AGBL4: variants seen among roughly 807,000 people sequenced by gnomAD.
The protein encoded by AGBL4 is AGBL carboxypeptidase 4.
In AGBL4, 58 loss-of-function variants were observed where a neutral mutation model predicts 66.4. The ratio of observed to expected loss-of-function variants is 0.87; its 90% CI spans 0.71 to 1.09. The LOEUF (loss-of-function observed/expected upper bound fraction) is 1.09, where lower values mean the gene tolerates loss of function less well. Ranked by LOEUF, AGBL4 falls within the 50% of genes least tolerant of loss-of-function variation. AGBL4 has a pLI of 0.00. For synonymous variants in AGBL4, 234 were observed against 222.9 expected (o/e 1.05, Z -0.44); for missense variants, 579 against 631.0 (o/e 0.92, Z 0.88).
chr1:49,029,081 T>C (rs1157584539), intron 5 of AGBL4, among the ~76,000 whole-genome samples: 7 of 152,096 alleles, frequency 4.6e-5, no homozygotes. Flanking sequence ...AAAGGGCATC[T>C]ATAAAAAGCT....
At chr1:48,804,332 G>A (rs1234996534) in intron 6 of AGBL4, among the ~76,000 whole-genome samples, 1 of 152,202 alleles carries the variant, frequency 6.6e-6, no homozygotes, top group Non-Finnish European at 1.5e-5. Flanking sequence ...CCTAGCTTCA[G>A]AGAAAATGCC....
At chr1:48,897,804 C>A (rs528232240) in intron 5 of AGBL4, among the ~76,000 whole-genome samples, 1 of 124,980 alleles carries the variant, frequency 8.0e-6, no homozygotes, top group South Asian at 2.8e-4. Context: ...ATCTTTTGCC[C>A]ACTTTTTTTT....
intron 1 of AGBL4, among the ~76,000 whole-genome samples, chr1:49,886,967 A>T (rs1038183096): frequency 3.3e-5 from 5 of 151,938 alleles, no homozygotes; most frequent in African/African-American, 1.2e-4. Context: ...TATCAAAGGA[A>T]TTTGGTGGTC....
chr1:49,948,176 AT>A (rs1655588947), intron 1 of AGBL4, among the ~76,000 whole-genome samples: 1 of 99,992 alleles, frequency 1.0e-5, no homozygotes, highest in Non-Finnish European at 1.8e-5. Flanking sequence ...ATAAATATAT[AT>A]AACTATATAT....
intron 1 of AGBL4, among the ~76,000 whole-genome samples, chr1:49,937,257 T>A (rs1055041439): frequency 6.6e-6 from 1 of 152,014 alleles, no homozygotes; most frequent in African/African-American, 2.4e-5. Context: ...CATTACATAA[T>A]GGTAAAGGGA....
intron 3 of AGBL4, among the ~76,000 whole-genome samples, chr1:49,685,035 G>GC: frequency 6.6e-6 from 1 of 152,222 alleles, no homozygotes; most frequent in Non-Finnish European, 1.5e-5. Context: ...TCAATGGGTA[G>GC]TTTTTTGAAC....
At chr1:49,573,850 A>G (rs531986783) in intron 3 of AGBL4, among the ~76,000 whole-genome samples, 1 of 152,296 alleles carries the variant, frequency 6.6e-6, no homozygotes, top group Admixed American at 6.5e-5. Flanking sequence ...AGCTGGGGAC[A>G]CTGAGTTTGT....
chr1:49,191,792 T>A (rs1156663938), intron 4 of AGBL4, among the ~76,000 whole-genome samples: 1 of 152,170 alleles, frequency 6.6e-6, no homozygotes, highest in Non-Finnish European at 1.5e-5. Context: ...GGAGATGATG[T>A]TGTTCTTTTT....
At chr1:49,779,710 T>C (rs1455861985) in intron 2 of AGBL4, among the ~76,000 whole-genome samples, 1 of 152,118 alleles carries the variant, frequency 6.6e-6, no homozygotes, top group Non-Finnish European at 1.5e-5. Flanking sequence ...AAGTCTGATG[T>C]AGGGAATGCA....
chr1:49,743,192 A>G (rs1223212300), intron 2 of AGBL4, among the ~76,000 whole-genome samples: 1 of 152,200 alleles, frequency 6.6e-6, no homozygotes. Context: ...CAATTAACTC[A>G]AACACATTTA....
intron 1 of AGBL4, among the ~76,000 whole-genome samples, chr1:49,992,703 T>C (rs889305699): frequency 7.9e-5 from 12 of 152,122 alleles, no homozygotes; most frequent in Admixed American, 3.9e-4. Flanking sequence ...ACACAAATTC[T>C]CCATTTCCTT....
At chr1:49,554,896 G>A (rs1653288931) in intron 3 of AGBL4, among the ~76,000 whole-genome samples, 1 of 152,146 alleles carries the variant, frequency 6.6e-6, no homozygotes, top group South Asian at 2.1e-4. Flanking sequence ...GTTCCTTCTG[G>A]TGGGTTCGTG....
At chr1:48,816,624 T>C (rs1646184470) in intron 6 of AGBL4, among the ~76,000 whole-genome samples, 1 of 152,212 alleles carries the variant, frequency 6.6e-6, no homozygotes, top group Non-Finnish European at 1.5e-5. Context: ...TCAAGGATTA[T>C]GGTAACTAGT....
At chr1:49,129,560 G>C (rs1480151207) in intron 4 of AGBL4, among the ~76,000 whole-genome samples, 7 of 151,270 alleles carry the variant, frequency 4.6e-5, no homozygotes, top group African/African-American at 1.5e-4. Context: ...GAGAACATGC[G>C]GTGTTTGGTT....
intron 3 of AGBL4, among the ~76,000 whole-genome samples, chr1:49,327,002 C>G (rs755765284): frequency 5.3e-5 from 8 of 152,134 alleles, no homozygotes; most frequent in Non-Finnish European, 1.0e-4. Context: ...GTGGCTCCTT[C>G]TATCTTTAAG....
intron 3 of AGBL4, among the ~76,000 whole-genome samples, chr1:49,626,544 T>C (rs547044829): frequency 1.1e-4 from 16 of 152,156 alleles, no homozygotes; most frequent in East Asian, 3.9e-4. Context: ...GTCTATGCTG[T>C]TGAGAAAATA....
At chr1:49,733,699 A>G (rs898986320) in intron 2 of AGBL4, among the ~76,000 whole-genome samples, 2 of 152,184 alleles carry the variant, frequency 1.3e-5, no homozygotes, top group African/African-American at 4.8e-5. Flanking sequence ...CTCTGCCTTC[A>G]TTAATAGATT....
intron 4 of AGBL4, among the ~76,000 whole-genome samples, chr1:49,229,908 A>C (rs1650178342): frequency 7.3e-6 from 1 of 137,020 alleles, no homozygotes; most frequent in Non-Finnish European, 1.6e-5. Flanking sequence ...GTCATGCTGC[A>C]ATGGGTGACT....
At chr1:48,615,585 T>C (rs1262867742) in intron 9 of AGBL4, among the ~76,000 whole-genome samples, 1 of 152,216 alleles carries the variant, frequency 6.6e-6, no homozygotes, top group African/African-American at 2.4e-5. Context: ...AAAGTAAAAT[T>C]TCCAGGTAAG....
Sources: gnomAD v4.1 joint callset for allele counts (sites outside exome capture counted in the v4.1 genomes callset) on GRCh38, gnomAD v4.1.1 for gene constraint, MANE v1.5 for transcripts, NCBI Gene and HGNC (gene_info 2026-07-23, HGNC 2026-07-21) for gene names.